Variants in CPED1 observed in about 807,000 individuals in gnomAD.
CPED1 encodes cadherin-like and PC-esterase domain-containing protein 1.
A neutral mutation model predicts 128.2 loss-of-function variants in CPED1; 114 were observed. The observed-to-expected ratio is 0.89, with a 90% confidence interval of 0.76 to 1.04. The LOEUF (loss-of-function observed/expected upper bound fraction) is 1.04. Among genes scored for constraint, CPED1 ranks in the 50% least tolerant of loss-of-function variants. CPED1 has a pLI of 0.00. For missense variants in CPED1, 1,211 were observed against 1,207.1 expected (o/e 1.00, Z -0.05); for synonymous variants, 462 against 426.7 (o/e 1.08, Z -1.02).
rs1053519782 is a variant in CPED1 at position 121,088,322 on chromosome 7, A to G, written c.617-9377A>G. ...TAAAAGCATCTTGCCAGCACAAATG[A>G]TAAGAGATGATTACAGAAAACTTGG... On this transcript the variant is annotated intron_variant, in intron 5 of 22. Transcript: ENST00000310396. 2.0e-5 allele frequency among the ~76,000 whole-genome samples: 3 copies of G among 152,152 alleles called. No individual in the cohort carries two copies. The East Asian group carries it at 5.8e-4, about 29-fold the overall frequency.
At chr7:121,014,738 T>A (rs1206659008) in intron 2 of CPED1, among the ~76,000 whole-genome samples, 1 of 152,020 alleles carries the variant, frequency 6.6e-6, no homozygotes, top group Non-Finnish European at 1.5e-5. Context: ...TAATTTAGAT[T>A]CCCAATTGTG....
intron 16 of CPED1, among the ~76,000 whole-genome samples, chr7:121,186,223 T>G (rs1036160662): frequency 6.6e-6 from 1 of 152,206 alleles, no homozygotes; most frequent in Non-Finnish European, 1.5e-5. Flanking sequence ...AGCCCTTTAT[T>G]CCTTCTCTGT....
At chr7:121,038,011 C>T (rs929312465) in intron 3 of CPED1, among the ~76,000 whole-genome samples, 4 of 152,036 alleles carry the variant, frequency 2.6e-5, no homozygotes, top group African/African-American at 7.2e-5. Context: ...TTGCTGAATT[C>T]GTTTACCAGT....
chr7:121,046,906 T>G lies in CPED1; in HGVS notation c.453T>G (p.Asp151Glu), dbSNP rs765961705. 1.6e-5 allele frequency: 25 copies of G among 1,611,744 alleles called. No homozygotes were observed. The highest frequency in any genetic ancestry group is 2.0e-5 in the Non-Finnish European group (24 of 1,178,506). The change falls in exon 4 of 23, where the codon GAT becomes GAG. Residue 151 changes from aspartate (D) to glutamate (E), a missense_variant. Transcript: ENST00000310396. ...LLEQGDLGSW[D>E]LLICLSSKKA... ...TTTTAGGTGATCTGGGCTCTTGGGATCTGCTCATTTGCCTGTCTTCTAAGA... is the reference window on the plus strand; with the variant it reads ...TTTTAGGTGATCTGGGCTCTTGGGAGCTGCTCATTTGCCTGTCTTCTAAGA...
At chr7:121,047,967 A>T (rs1793259783) in intron 4 of CPED1, among the ~76,000 whole-genome samples, 1 of 151,794 alleles carries the variant, frequency 6.6e-6, no homozygotes, top group Non-Finnish European at 1.5e-5. Context: ...CGGCCTCCCA[A>T]ACTGCTGGGG....
At chr7:121,033,278 G>A (rs1203218495) in intron 3 of CPED1, among the ~76,000 whole-genome samples, 2 of 152,116 alleles carry the variant, frequency 1.3e-5, no homozygotes, top group Non-Finnish European at 2.9e-5. Context: ...TAGAAGAGAC[G>A]ATTATCATTT....
intron 3 of CPED1, among the ~76,000 whole-genome samples, chr7:121,032,667 G>C (rs1385264076): frequency 6.6e-6 from 1 of 151,742 alleles, no homozygotes; most frequent in Non-Finnish European, 1.5e-5. Context: ...GTATACTTAC[G>C]TAACACACCT....
chr7:121,172,509 TAAATA>T (rs1221464910), intron 16 of CPED1, among the ~76,000 whole-genome samples: 2 of 152,102 alleles, frequency 1.3e-5, no homozygotes, highest in Non-Finnish European at 2.9e-5. Flanking sequence ...TAAACCAATT[TAAATA>T]AAATATGTTT....
At chr7:121,033,533 T>C (rs930150408) in intron 3 of CPED1, among the ~76,000 whole-genome samples, 2 of 152,202 alleles carry the variant, frequency 1.3e-5, no homozygotes, top group Non-Finnish European at 2.9e-5. Context: ...CCCTGTAACA[T>C]CCCCAAAATG....
intron 3 of CPED1, among the ~76,000 whole-genome samples, chr7:121,020,132 T>C (rs1197406312): frequency 6.6e-6 from 1 of 152,042 alleles, no homozygotes; most frequent in Non-Finnish European, 1.5e-5. Flanking sequence ...TTATAATCCA[T>C]GTGAAAAACA....
intron 4 of CPED1, among the ~76,000 whole-genome samples, chr7:121,049,530 C>T (rs1036162421): frequency 3.9e-5 from 6 of 152,228 alleles, no homozygotes; most frequent in Non-Finnish European, 8.8e-5. Context: ...CACCCACAAA[C>T]GTCAGCCTCC....
intron 22 of CPED1, among the ~76,000 whole-genome samples, chr7:121,275,483 A>G (rs1487174880): frequency 6.6e-6 from 1 of 152,176 alleles, no homozygotes; most frequent in Non-Finnish European, 1.5e-5. Flanking sequence ...CCTACTGTGA[A>G]CAAGCTAAAA....
chr7:121,175,170 G>A (rs1017346423), intron 16 of CPED1, among the ~76,000 whole-genome samples: 1 of 152,050 alleles, frequency 6.6e-6, no homozygotes, highest in African/African-American at 2.4e-5. Context: ...CAGCAAACAG[G>A]GATTATTTGA....
intron 2 of CPED1, among the ~76,000 whole-genome samples, chr7:121,003,614 G>T (rs1440079314): frequency 6.6e-6 from 1 of 152,138 alleles, no homozygotes; most frequent in Non-Finnish European, 1.5e-5. Flanking sequence ...CTCCAGGGCT[G>T]ATTTTGAAAG....
chr7:121,138,534 A>T (rs537514302), intron 14 of CPED1, among the ~76,000 whole-genome samples: 1 of 152,058 alleles, frequency 6.6e-6, no homozygotes. Flanking sequence ...AAAAATAAGC[A>T]CTTGCTGAAG....
chr7:121,036,507 A>ATATTT (rs1449540146), intron 3 of CPED1, among the ~76,000 whole-genome samples: 5 of 133,910 alleles, frequency 3.7e-5, no homozygotes, highest in African/African-American at 8.9e-5. Flanking sequence ...ATATATATAT[A>ATATTT]TTTTTTTTTT....
chr7:121,008,241 G>A (rs1373674979), intron 2 of CPED1, among the ~76,000 whole-genome samples: 2 of 152,024 alleles, frequency 1.3e-5, no homozygotes, highest in African/African-American at 2.4e-5. Flanking sequence ...TCGGACCTAC[G>A]TATAAAGACC....
chr7:121,101,845 C>A (rs1325974382), intron 7 of CPED1, among the ~76,000 whole-genome samples: 1 of 152,008 alleles, frequency 6.6e-6, no homozygotes, highest in African/African-American at 2.4e-5. Flanking sequence ...ACAGGGAAGG[C>A]ACCAAGCCAT....
rs1226906588 is a variant in CPED1, at chr7:121,117,098, T to TATAA, written c.919-7232_919-7231insTAAA. 1.0e-3 allele frequency among the ~76,000 whole-genome samples: 137 copies of TATAA among 134,650 alleles called. 1 individual carries two copies. Among genetic ancestry groups the TATAA allele is most frequent in the African/African-American group, 3.3e-3 (117 of 35,950 alleles). The allele number at this position is 134,650 out of a possible 152,430, so 88.3% of individuals were successfully genotyped here. A position where few individuals can be genotyped will look rare whatever the true frequency, so the allele number is the denominator to read the frequency against. On this transcript the variant is annotated intron_variant, in intron 7 of 22. Transcript: ENST00000310396. ...CACATTATATATATATATATATATATAAATATATATATATATGTTTGAGAT... is the reference window on the plus strand; with the variant it reads ...CACATTATATATATATATATATATATATAAAAATATATATATATATGTTTGAGAT...
Sources: allele counts gnomAD v4.1 joint callset (sites outside exome capture counted in the v4.1 genomes callset), GRCh38; gene constraint gnomAD v4.1.1; transcripts MANE v1.5; gene names NCBI Gene and HGNC (gene_info 2026-07-23, HGNC 2026-07-21).